The following FRYL variants were observed in gnomAD, a reference collection of about 807,000 sequenced individuals.
FRYL encodes protein furry homolog-like.
Under a neutral mutation model 351.2 loss-of-function variants are expected in FRYL, and 150 were observed. That is an observed-to-expected ratio of 0.43 (90% CI 0.37 to 0.49). The LOEUF is 0.49. FRYL is among the 20% of genes least tolerant of loss of function. FRYL has a pLI of 0.00. For synonymous variants in FRYL, 1,153 were observed against 1,257.1 expected, an observed-to-expected ratio of 0.92 and a Z score of 1.75; for missense variants, 3,036 against 3,619.3, an observed-to-expected ratio of 0.84 and a Z score of 4.13.
chr4:48,580,543 A>C, intron 22 of FRYL: 2 of 282,330 alleles, frequency 7.1e-6, no homozygotes, highest in Non-Finnish European at 1.3e-5. Flanking sequence ...AAGTATTTCT[A>C]TCTCACGAAT....
chr4:48,664,461 T>A (rs895217632), intron 3 of FRYL, among the ~76,000 whole-genome samples: 5 of 152,220 alleles, frequency 3.3e-5, no homozygotes, highest in African/African-American at 1.2e-4. Flanking sequence ...CCTGATGTAT[T>A]TGGTGACTAA....
intron 32 of FRYL, 127 bp from the exon 33 acceptor site, chr4:48,561,763 T>A: frequency 6.2e-6 from 4 of 646,808 alleles, no homozygotes; most frequent in Middle Eastern, 4.4e-4. Flanking sequence ...GCCTGTAATC[T>A]CAATACTTTG....
At position 48,550,686 on chromosome 4, in the gene FRYL, A is replaced by T; in HGVS notation, c.4539T>A (p.Ile1513=). 1 of 1,612,956 alleles carries T rather than the reference A, an allele frequency of 6.2e-7. No homozygotes were observed. Among genetic ancestry groups the T allele is most frequent in the East Asian group, 2.2e-5 (1 of 44,874 alleles). ...TCAAATGACTGTTTAGTCCACTGTA[A>T]ATGTCCAGGTGCACATAGCTATGGG... ...NIEESYVHLD[I]YSGLNSHLNR... is the part of the protein sequence containing the mutation. The change falls in exon 38 of 64, where the codon ATT becomes ATA. Residue 1513 remains isoleucine (I), a synonymous_variant. Coordinates refer to ENST00000358350, the MANE Select transcript of FRYL (RefSeq NM_015030.2).
intron 53 of FRYL, among the ~76,000 whole-genome samples, chr4:48,525,739 G>C (rs1726008960): frequency 6.6e-6 from 1 of 152,098 alleles, no homozygotes; most frequent in African/African-American, 2.4e-5. Flanking sequence ...ATATGTATAT[G>C]TACATGAGAG....
chr4:48,721,635 T>C (rs1330122540), intron 1 of FRYL, among the ~76,000 whole-genome samples: 1 of 152,202 alleles, frequency 6.6e-6, no homozygotes, highest in South Asian at 2.1e-4. Context: ...TGTTCTGAGA[T>C]TCTTGCTTCC....
At chr4:48,745,216 C>G (rs1295584682) in intron 1 of FRYL, among the ~76,000 whole-genome samples, 1 of 152,124 alleles carries the variant, frequency 6.6e-6, no homozygotes, top group Non-Finnish European at 1.5e-5. Flanking sequence ...GGATCTAGAA[C>G]TAGAAATACC....
chr4:48,752,372 T>TGCCCCTGGAGCTG (rs55722126), intron 1 of FRYL, among the ~76,000 whole-genome samples: 149,766 of 151,930 alleles, frequency 0.99, 73,841 homozygotes, highest in East Asian at 1. Context: ...ACTCCGGATC[T>TGCCCCTGGAGCTG]GCCCCTGGAG....
In FRYL at chr4:48,619,264, A is replaced by C; in HGVS notation, c.411+10T>G. 1 of 1,566,672 alleles carries C rather than the reference A, an allele frequency of 6.4e-7. No homozygotes were observed. The highest frequency in any genetic ancestry group is 1.1e-5 in the South Asian group (1 of 89,234). On this transcript the variant is annotated intron_variant, in intron 7 of 63. Coordinates refer to ENST00000358350, the MANE Select transcript of FRYL (RefSeq NM_015030.2). ...AGGAATACAGACTTTGCAGAAATAA[A>C]AGAGCTTACCTGCTTTAGAACTTCA...
intron 3 of FRYL, among the ~76,000 whole-genome samples, chr4:48,662,803 C>T (rs759754621): frequency 1.4e-5 from 2 of 146,572 alleles, no homozygotes; most frequent in Non-Finnish European, 3.0e-5. Context: ...TTATACAAGG[C>T]AGAAGTTAGA....
intron 3 of FRYL, among the ~76,000 whole-genome samples, chr4:48,655,822 TTA>T (rs1021083961): frequency 1.4e-5 from 2 of 143,864 alleles, no homozygotes; most frequent in Non-Finnish European, 3.0e-5. Flanking sequence ...ATATACAGAA[TTA>T]TATAATTATA....
intron 7 of FRYL, among the ~76,000 whole-genome samples, chr4:48,610,162 C>T (rs1234949843): frequency 2.6e-5 from 4 of 152,128 alleles, no homozygotes; most frequent in Non-Finnish European, 5.9e-5. Context: ...TACAGAAAAG[C>T]ACCTTTGTAA....
In FRYL at chr4:48,521,138, G is replaced by C. The variant is rs1560529942; in HGVS notation, c.7599C>G (p.Gly2533=). 2.5e-6 allele frequency: 4 copies of C among 1,612,998 alleles called. No individual in the cohort carries two copies. Among genetic ancestry groups the C allele is most frequent in the Non-Finnish European group, 3.4e-6 (4 of 1,179,146 alleles). ...GAAGCACTTCCTCTGTTGTGATGCT[G>C]CCAGTGGAATCTTCAGACTGGAGAA... The part of the protein sequence containing the change: ...DLLLQSEDST[G]SITTEEVLQI... Residue 2533 remains glycine, a synonymous_variant, in exon 55 of 64, where the codon GGC becomes GGG. Coordinates refer to ENST00000358350, the MANE Select transcript of FRYL (RefSeq NM_015030.2).
intron 19 of FRYL, among the ~76,000 whole-genome samples, chr4:48,584,580 T>C (rs1190180067): frequency 6.6e-6 from 1 of 152,204 alleles, no homozygotes; most frequent in African/African-American, 2.4e-5. Flanking sequence ...AGAGTGACAG[T>C]CCTCAATGAT....
At chr4:48,761,241 A>G (rs773567864) in intron 1 of FRYL, among the ~76,000 whole-genome samples, 6 of 152,188 alleles carry the variant, frequency 3.9e-5, no homozygotes, top group Non-Finnish European at 8.8e-5. Flanking sequence ...GCCATATATT[A>G]AGAAACAAGG....
chr4:48,514,935 A>G (rs1173888577), intron 56 of FRYL, 93 bp downstream of exon 56: 19 of 1,076,700 alleles, frequency 1.8e-5, no homozygotes, highest in Non-Finnish European at 2.6e-5. Context: ...CAAAGAAATG[A>G]AAGTAAGTAA....
At position 48,504,182 on chromosome 4, in the gene FRYL, C is replaced by T. The variant is rs543452363; in HGVS notation, c.8464-1337G>A. Among the ~76,000 whole-genome samples the T allele has an allele frequency of 1.1e-4, 17 of 152,090 alleles. No individual in the cohort carries two copies. In the South Asian group the frequency reaches 3.5e-3, roughly 32 times the overall value. ...ATTAAAATTTGCACATTCTTTTATT[C>T]ATCTAACAAATATTTGACTGCTTAT... On this transcript the variant is annotated intron_variant, in intron 60 of 63. Coordinates refer to ENST00000358350, the MANE Select transcript of FRYL (RefSeq NM_015030.2).
At position 48,735,071 on chromosome 4, in the gene FRYL, T is replaced by C. The variant is rs1420460561; in HGVS notation, c.-383-24373A>G. On this transcript the variant is annotated intron_variant, in intron 1 of 63. Coordinates refer to ENST00000358350, the MANE Select transcript of FRYL (RefSeq NM_015030.2). ...GGAGAAAATTTTCGCAACCTACTCA[T>C]CTGACAAAGGGCTAATATCCAGAAT... Among the ~76,000 whole-genome samples the C allele has an allele frequency of 2.1e-3, 252 of 122,806 alleles. 1 individual carries two copies. Among genetic ancestry groups the C allele is most frequent in the Non-Finnish European group, 5.6e-4 (33 of 58,622 alleles). The allele number at this position is 122,806 out of a possible 152,430, so 80.6% of individuals were successfully genotyped here.
chr4:48,557,343 A>G lies in FRYL; in HGVS notation c.4125+110T>C. 4 of 1,402,972 alleles carry G rather than the reference A, an allele frequency of 2.9e-6. No individual in the cohort carries two copies. The East Asian group carries it at 9.3e-5, about 32-fold the overall frequency. The allele number at this position is 1,402,972 out of a possible 1,614,324, so 86.9% of individuals were successfully genotyped here. A position where few individuals can be genotyped will look rare whatever the true frequency, so the allele number is the denominator to read the frequency against. ...TATCTAATGAGTCTTTTTTAAAGAA[A>G]GATATTTGTTTGGTTATCACAGGAT... On this transcript the variant is annotated intron_variant, in intron 34 of 63. Coordinates refer to ENST00000358350, the MANE Select transcript of FRYL (RefSeq NM_015030.2).
chr4:48,624,249 C>G (rs1751318759), intron 4 of FRYL, among the ~76,000 whole-genome samples: 1 of 152,034 alleles, frequency 6.6e-6, no homozygotes, highest in Non-Finnish European at 1.5e-5. Flanking sequence ...TTTTTTTTAA[C>G]TTTCCATCTG....
Sources: gnomAD v4.1 joint callset for allele counts (sites outside exome capture counted in the v4.1 genomes callset) on GRCh38, gnomAD v4.1.1 for gene constraint, MANE v1.5 for transcripts, NCBI Gene and HGNC (gene_info 2026-07-23, HGNC 2026-07-21) for gene names.